The following UBE2V1 variants were observed in gnomAD, a reference collection of about 807,000 sequenced individuals.
The protein encoded by UBE2V1 is ubiquitin conjugating enzyme E2 V1.
A neutral mutation model predicts 19.6 loss-of-function variants in UBE2V1; 15 were observed. The ratio of observed to expected loss-of-function variants is 0.77; its 90% CI spans 0.51 to 1.18. The LOEUF (loss-of-function observed/expected upper bound fraction) is 1.18, where lower values mean the gene tolerates loss of function less well. Ranked by LOEUF, UBE2V1 falls within the 50% of genes most tolerant of loss-of-function variation. The probability of loss-of-function intolerance (pLI) is 0.00; values close to 1 mark genes in which losing one functional copy is unlikely to be tolerated. For missense variants in UBE2V1, 125 were observed against 184.8 expected, an observed-to-expected ratio of 0.68 and a Z score of 1.88; for synonymous variants, 60 against 60.7, an observed-to-expected ratio of 0.99 and a Z score of 0.05.
Position 50,110,617 on chromosome 20 carries a change from G to C in UBE2V1, c.22+2490C>G, listed in dbSNP as rs6012839. Among the ~76,000 whole-genome samples, 166 of 152,272 alleles carry C rather than the reference G, an allele frequency of 1.1e-3. 1 individual carries two copies. Among genetic ancestry groups the C allele is most frequent in the African/African-American group, 3.7e-3 (152 of 41,552 alleles). On this transcript the variant is annotated intron_variant, in intron 1 of 3. Transcript: ENST00000371674. ...CTTAGCACCCTGCACTCTTTTCACT[G>C]CCTAGGGACGAAGGTCAGATCTTAT...
intron 1 of UBE2V1, among the ~76,000 whole-genome samples, chr20:50,098,495 C>A (rs2079778267): frequency 6.6e-6 from 1 of 152,140 alleles, no homozygotes. Flanking sequence ...AGGGTGATAG[C>A]AGGAAAGTAG....
chr20:50,085,447 C>T (rs751744120), intron 2 of UBE2V1, among the ~76,000 whole-genome samples: 10 of 152,122 alleles, frequency 6.6e-5, no homozygotes, highest in Non-Finnish European at 1.5e-4. Flanking sequence ...TCACATGTGT[C>T]TGAAGACCAC....
At chr20:50,106,076 C>G (rs1003800245) in intron 1 of UBE2V1, among the ~76,000 whole-genome samples, 4 of 151,810 alleles carry the variant, frequency 2.6e-5, no homozygotes, top group African/African-American at 9.7e-5. Context: ...ATCAAATAGA[C>G]TATGACTATT....
intron 2 of UBE2V1, among the ~76,000 whole-genome samples, chr20:50,094,232 A>ATATATAATATAT: frequency 7.4e-6 from 1 of 135,876 alleles, no homozygotes. Context: ...GCATTATATA[A>ATATATAATATAT]TATATAATGC....
At chr20:50,096,414 G>T in intron 2 of UBE2V1, 6 of 773,194 alleles carry the variant, frequency 7.8e-6, no homozygotes, top group Non-Finnish European at 1.2e-5. Flanking sequence ...ATGGTGCAAT[G>T]ACTTCACACC....
intron 1 of UBE2V1, among the ~76,000 whole-genome samples, 192 bp downstream of exon 1, chr20:50,112,915 G>T (rs1039187942): frequency 6.6e-6 from 1 of 152,038 alleles, no homozygotes; most frequent in Non-Finnish European, 1.5e-5. Flanking sequence ...AGGCCCCTCA[G>T]CCCCCCGCCC....
At chr20:50,091,051 A>C (rs111665108) in intron 2 of UBE2V1, among the ~76,000 whole-genome samples, 1,902 of 152,164 alleles carry the variant, frequency 0.012, 42 homozygotes, top group African/African-American at 0.043. Context: ...TTGTTGGAAA[A>C]AAAATTTTTT....
At chr20:50,109,157 A>G (rs1261066322) in intron 1 of UBE2V1, 5 of 984,210 alleles carry the variant, frequency 5.1e-6, no homozygotes, top group Non-Finnish European at 6.0e-6. Context: ...GTCGAAGTCT[A>G]TGGGACACTC....
intron 1 of UBE2V1, among the ~76,000 whole-genome samples, chr20:50,105,160 T>G (rs1256585383): frequency 6.6e-6 from 1 of 152,206 alleles, no homozygotes. Context: ...TTTCATAAAG[T>G]ATGTATGAAA....
chr20:50,093,942 T>A (rs201247935), intron 2 of UBE2V1, among the ~76,000 whole-genome samples: 1 of 131,900 alleles, frequency 7.6e-6, no homozygotes, highest in Admixed American at 9.2e-5. Flanking sequence ...GAGCCGAGAT[T>A]GCGCCACTGC....
At chr20:50,111,617 C>T in intron 1 of UBE2V1, 4 of 997,962 alleles carry the variant, frequency 4.0e-6, no homozygotes, top group South Asian at 4.7e-5. Flanking sequence ...TGCAAGAAGA[C>T]CCCACTGTTT....
upstream of UBE2V1, chr20:50,113,180 C>T (rs750881769): frequency 2.4e-6 from 3 of 1,256,804 alleles, no homozygotes; most frequent in East Asian, 9.4e-5. Flanking sequence ...CCCCCTTACC[C>T]GTCCCCCGGC....
chr20:50,086,379 C>G (rs532981587), intron 2 of UBE2V1, among the ~76,000 whole-genome samples: 3 of 151,924 alleles, frequency 2.0e-5, no homozygotes, highest in Non-Finnish European at 4.4e-5. Context: ...AATTGGTACT[C>G]AAATGTTTGT....
chr20:50,107,322 T>C (rs2080452771), intron 1 of UBE2V1, among the ~76,000 whole-genome samples: 3 of 152,194 alleles, frequency 2.0e-5, no homozygotes. Flanking sequence ...GGTATACTAG[T>C]TTGAGATCCA....
intron 1 of UBE2V1, among the ~76,000 whole-genome samples, chr20:50,098,559 T>G (rs148056417): frequency 6.6e-6 from 1 of 152,262 alleles, no homozygotes; most frequent in African/African-American, 2.4e-5. Flanking sequence ...GGAGATTTGC[T>G]ATCAGGTTGC....
chr20:50,115,608 A>G, upstream of UBE2V1: 2 of 1,442,538 alleles, frequency 1.4e-6, no homozygotes, highest in South Asian at 1.4e-5. Context: ...AGTAGTATCA[A>G]CCTCATAGGA....
chr20:50,115,242 A>C (rs1177874751), upstream of UBE2V1, among the ~76,000 whole-genome samples: 1 of 152,022 alleles, frequency 6.6e-6, no homozygotes, highest in African/African-American at 2.4e-5. Flanking sequence ...CCCACTCTTC[A>C]GTTCTCAGAT....
chr20:50,086,950 G>A (rs754357132), intron 2 of UBE2V1, among the ~76,000 whole-genome samples: 3 of 152,070 alleles, frequency 2.0e-5, no homozygotes, highest in Non-Finnish European at 4.4e-5. Flanking sequence ...GGTTGTGGGC[G>A]CCTATAGTCC....
chr20:50,104,797 G>A lies in UBE2V1; in HGVS notation c.23-7977C>T, dbSNP rs181745887. On this transcript the variant is annotated intron_variant, in intron 1 of 3. Coordinates refer to ENST00000371674, the MANE Select transcript of UBE2V1 (RefSeq NM_001032288.3). ...GCTGGAGTGCAATGGCGCAATCTCG[G>A]CTCACTTCAACCTTCACCTTCTGGG... 4.2e-3 allele frequency among the ~76,000 whole-genome samples: 641 copies of A among 151,422 alleles called. 5 individuals are homozygous for A. Among genetic ancestry groups the A allele is most frequent in the African/African-American group, 0.015 (617 of 41,356 alleles).
Sources: allele counts gnomAD v4.1 joint callset (sites outside exome capture counted in the v4.1 genomes callset), GRCh38; gene constraint gnomAD v4.1.1; transcripts MANE v1.5; gene names NCBI Gene and HGNC (gene_info 2026-07-23, HGNC 2026-07-21).